Variants in ACAA2 observed in about 807,000 individuals in gnomAD.
The protein encoded by ACAA2 is acetyl-CoA acyltransferase 2, also known as 3-ketoacyl-CoA thiolase, mitochondrial.
ACAA2 carries 35 observed loss-of-function variants against 44.8 expected under a neutral mutation model. The observed-to-expected ratio is 0.78, with a 90% confidence interval of 0.60 to 1.04. The LOEUF (loss-of-function observed/expected upper bound fraction) is 1.04. Among genes scored for constraint, ACAA2 ranks in the 50% least tolerant of loss-of-function variants. The pLI is 0.00. For missense variants in ACAA2, 468 were observed against 482.6 expected, an observed-to-expected ratio of 0.97 and a Z score of 0.28; for synonymous variants, 142 against 166.5, an observed-to-expected ratio of 0.85 and a Z score of 1.13.
At chr18:49,794,164 T>C (rs921465598) in intron 5 of ACAA2, 116 bp downstream of exon 5, 1 of 766,196 alleles carries the variant, frequency 1.3e-6, no homozygotes, top group African/African-American at 1.8e-5. Flanking sequence ...AATGAAAAGA[T>C]GTAATAATTC....
At position 49,787,365 on chromosome 18, in the gene ACAA2, T is replaced by C. The variant is rs1252648867; in HGVS notation, c.884-4A>G. 5 of 1,410,164 alleles carry C rather than the reference T, an allele frequency of 3.5e-6. No individual in the cohort carries two copies. Among genetic ancestry groups the C allele is most frequent in the South Asian group, 3.4e-5 (2 of 59,026 alleles). The allele number at this position is 1,410,164 out of a possible 1,614,324, so 87.4% of individuals were successfully genotyped here. On this transcript the variant is annotated splice_region_variant and splice_polypyrimidine_tract_variant and intron_variant, in intron 7 of 9. Transcript: ENST00000285093. ...CCACTGATAGCAGGGACAGGACCTA[T>C]ATAATAATAAAAATCTTCTATAAAA...
At chr18:49,787,157 G>A in intron 8 of ACAA2, 134 bp downstream of exon 8, 2 of 619,570 alleles carry the variant, frequency 3.2e-6, no homozygotes, top group Non-Finnish European at 2.5e-6. Flanking sequence ...TATTTATTTA[G>A]ATGTACATCA....
intron 1 of ACAA2, among the ~76,000 whole-genome samples, chr18:49,809,159 C>T (rs1378273572): frequency 6.6e-6 from 1 of 152,148 alleles, no homozygotes; most frequent in African/African-American, 2.4e-5. Flanking sequence ...ACTGCCCGAC[C>T]CCGCAGGCAG....
At position 49,805,759 on chromosome 18, in the gene ACAA2, CT is replaced by C. The variant is rs549744382; in HGVS notation, c.17-2907del. Reference sequence around the variant, plus strand: ...ACCTGGCTAATTTTTACCTTTTTTTCTTTTTTTTTTTTGTAGAGATGGGGTC... The same window carrying C: ...ACCTGGCTAATTTTTACCTTTTTTTCTTTTTTTTTTTGTAGAGATGGGGTC... On this transcript the variant is annotated intron_variant, in intron 1 of 9. Transcript: ENST00000285093. Among the ~76,000 whole-genome samples, 853 of 144,012 alleles carry C rather than the reference CT, an allele frequency of 5.9e-3. 6 individuals carry two copies. Among genetic ancestry groups the C allele is most frequent in the African/African-American group, 0.016 (618 of 39,596 alleles). 94.5% of individuals were successfully genotyped at this position (144,012 alleles called of 152,430 possible).
intron 9 of ACAA2, among the ~76,000 whole-genome samples, chr18:49,784,600 GA>G (rs979670171): frequency 6.6e-6 from 1 of 152,172 alleles, no homozygotes; most frequent in African/African-American, 2.4e-5. Flanking sequence ...CAGGGAGTCA[GA>G]GTAATTTTTC....
rs1199110024 is a variant in ACAA2 at position 49,801,968 on chromosome 18, AC to A, written c.183+718del. On this transcript the variant is annotated intron_variant, in intron 2 of 9. Coordinates refer to ENST00000285093, the MANE Select transcript of ACAA2 (RefSeq NM_006111.3). ...CCTGCATATGAATGATTGATTTTGT[AC>A]ATCACACATAGCAAGACAGAGGGTA... 3.9e-5 allele frequency among the ~76,000 whole-genome samples: 6 copies of A among 152,078 alleles called. No homozygotes were observed. In the South Asian group the frequency reaches 1.2e-3, roughly 32 times the overall value.
chr18:49,790,699 G>C (rs902338358), intron 7 of ACAA2, among the ~76,000 whole-genome samples: 2 of 152,112 alleles, frequency 1.3e-5, no homozygotes, highest in Non-Finnish European at 2.9e-5. Flanking sequence ...GTGGTTCCTA[G>C]GAGTGCATCC....
At position 49,782,649 on chromosome 18, in the gene ACAA2, C is replaced by T. The variant is rs987532750; in HGVS notation, c.*1198G>A. 1.3e-5 allele frequency: 2 copies of T among 151,286 alleles called. No individual in the cohort carries two copies. The highest frequency in any genetic ancestry group is 4.9e-5 in the African/African-American group (2 of 41,132). The allele number at this position is 151,286 out of a possible 1,614,324, so 9.4% of individuals were successfully genotyped here. ...GGATCACGAGGTCAGGAGATCGAGACCATCCTGGCTAACACGGTGAAACCC... is the reference window on the plus strand; with the variant it reads ...GGATCACGAGGTCAGGAGATCGAGATCATCCTGGCTAACACGGTGAAACCC... On this transcript the variant is annotated 3_prime_UTR_variant, in exon 10 of 10. Transcript: ENST00000285093.
chr18:49,806,385 A>G (rs1044063795), intron 1 of ACAA2, among the ~76,000 whole-genome samples: 1 of 152,054 alleles, frequency 6.6e-6, no homozygotes, highest in African/African-American at 2.4e-5. Flanking sequence ...GACCACAAGC[A>G]CCTAAGCCAA....
chr18:49,795,968 TAAATC>T (rs1343006352), intron 3 of ACAA2, 87 bp from the exon 4 acceptor site: 1 of 827,932 alleles, frequency 1.2e-6, no homozygotes. Context: ...AAATTAATGG[TAAATC>T]AAACAAATAT....
chr18:49,787,281 A>C lies in ACAA2; in HGVS notation c.954+10T>G, dbSNP rs762604287. The C allele has an allele frequency of 1.8e-5, 27 of 1,465,244 alleles. No individual in the cohort carries two copies. In the South Asian group the frequency reaches 3.1e-4, roughly 17 times the overall value. 90.8% of individuals were successfully genotyped at this position (1,465,244 alleles called of 1,614,324 possible). Reference sequence around the variant, plus strand: ...TTGTTAAAAAAAAAAAAAAAAAAAAAAACACTTACCTCTACCAAATCCATG... The same window carrying C: ...TTGTTAAAAAAAAAAAAAAAAAAAACAACACTTACCTCTACCAAATCCATG... On this transcript the variant is annotated intron_variant, in intron 8 of 9. Coordinates refer to ENST00000285093, the MANE Select transcript of ACAA2 (RefSeq NM_006111.3).
chr18:49,784,034 A>G lies in ACAA2; in HGVS notation c.1110-103T>C. Reference sequence around the variant, plus strand: ...TGCATTACTCATCCTTATTCAGCTCATCTGCTCAATCTTTTCCCCAGTCCT... The same window carrying G: ...TGCATTACTCATCCTTATTCAGCTCGTCTGCTCAATCTTTTCCCCAGTCCT... On this transcript the variant is annotated intron_variant, in intron 9 of 9. Coordinates refer to ENST00000285093, the MANE Select transcript of ACAA2 (RefSeq NM_006111.3). 4.5e-6 allele frequency: 4 copies of G among 889,532 alleles called. No individual in the cohort carries two copies. The South Asian group carries it at 4.5e-5, about 10-fold the overall frequency. 55.1% of individuals were successfully genotyped at this position (889,532 alleles called of 1,614,324 possible). A position where few individuals can be genotyped will look rare whatever the true frequency, so the allele number is the denominator to read the frequency against.
intron 3 of ACAA2, among the ~76,000 whole-genome samples, chr18:49,796,203 C>T (rs2023463217): frequency 6.6e-6 from 1 of 152,132 alleles, no homozygotes; most frequent in South Asian, 2.1e-4. Flanking sequence ...CATAAATGTA[C>T]AGCAGATAAT....
chr18:49,806,012 C>A (rs528762001), intron 1 of ACAA2, among the ~76,000 whole-genome samples: 1 of 152,202 alleles, frequency 6.6e-6, no homozygotes, highest in South Asian at 2.1e-4. Context: ...CAACAGATAA[C>A]AATGAAAAAC....
chr18:49,808,066 G>C (rs1326462782), intron 1 of ACAA2, among the ~76,000 whole-genome samples: 1 of 149,840 alleles, frequency 6.7e-6, no homozygotes, highest in Non-Finnish European at 1.5e-5. Context: ...AAGATATACA[G>C]ATGGCAAATA....
intron 2 of ACAA2, among the ~76,000 whole-genome samples, chr18:49,798,277 T>C (rs113270782): frequency 2.6e-5 from 4 of 152,100 alleles, no homozygotes; most frequent in East Asian, 1.9e-4. Context: ...AGATGAATGA[T>C]TGGTCAGGAG....
chr18:49,784,056 T>C, intron 9 of ACAA2, 125 bp from the exon 10 acceptor site: 1 of 774,830 alleles, frequency 1.3e-6, no homozygotes, highest in Non-Finnish European at 2.2e-6. Context: ...TTTTCCCCAG[T>C]CCTCAATTTT....
chr18:49,785,562 C>T (rs2023318423), intron 8 of ACAA2: 1 of 553,140 alleles, frequency 1.8e-6, no homozygotes, highest in South Asian at 2.3e-5. Flanking sequence ...AAATGCATCC[C>T]TTAGAGGCAA....
chr18:49,812,420 GA>G (rs1413052414), intron 1 of ACAA2, among the ~76,000 whole-genome samples: 6 of 152,064 alleles, frequency 3.9e-5, no homozygotes, highest in Non-Finnish European at 4.4e-5. Context: ...CATCAAACCA[GA>G]CACTTTTCAT....
Sources: allele counts gnomAD v4.1 joint callset (sites outside exome capture counted in the v4.1 genomes callset), GRCh38; gene constraint gnomAD v4.1.1; transcripts MANE v1.5; gene names NCBI Gene and HGNC (gene_info 2026-07-23, HGNC 2026-07-21).